C8orf34: variants seen among roughly 807,000 people sequenced by gnomAD.
C8orf34 encodes the protein uncharacterized protein C8orf34.
In C8orf34, 65 loss-of-function variants were observed where a neutral mutation model predicts 68.3. The ratio of observed to expected loss-of-function variants is 0.95; its 90% confidence interval spans 0.78 to 1.17. The LOEUF is 1.17. Among genes scored for constraint, C8orf34 ranks in the 50% most tolerant of loss-of-function variants. The pLI, the probability that C8orf34 is intolerant of heterozygous loss-of-function variation, is 0.00. For missense variants in C8orf34, 664 were observed against 655.4 expected, an observed-to-expected ratio of 1.01 and a Z score of -0.14; for synonymous variants, 244 against 241.2, an observed-to-expected ratio of 1.01 and a Z score of -0.11.
intron 8 of C8orf34, among the ~76,000 whole-genome samples, chr8:68,668,013 A>G (rs1819891725): frequency 6.6e-6 from 1 of 152,194 alleles, no homozygotes; most frequent in African/African-American, 2.4e-5. Flanking sequence ...AAAATCTTGG[A>G]AGACAGATAT....
At position 68,784,004 on chromosome 8, in the gene C8orf34, G is replaced by C. The variant is rs560706556; in HGVS notation, c.1456-3439G>C. 2.0e-5 allele frequency among the ~76,000 whole-genome samples: 3 copies of C among 152,168 alleles called. No homozygotes were observed. In the East Asian group the frequency reaches 5.8e-4, roughly 30 times the overall value. The stretch of plus-strand genomic sequence containing the variant: ...ATTACTGATACTTTATGTTAGTATG[G>C]GGCACTGGTCACAGTTAACAGACCA... On this transcript the variant is annotated intron_variant, in intron 11 of 13. Coordinates refer to ENST00000518698, the MANE Select transcript of C8orf34 (RefSeq NM_052958.4).
At chr8:68,623,850 C>T (rs555644356) in intron 7 of C8orf34, among the ~76,000 whole-genome samples, 15 of 152,080 alleles carry the variant, frequency 9.9e-5, no homozygotes, top group African/African-American at 1.4e-4. Context: ...CCTCCTAATA[C>T]CTTCACATCA....
At position 68,353,463 on chromosome 8, in the gene C8orf34, C is replaced by T. The variant is rs1434404780; in HGVS notation, c.327+22124C>T. ...TTATTATTTATATATTTTTATGTCT[C>T]AAATATAATAAAAAGTTATGGATGT... is the stretch of plus-strand genomic sequence containing the variant. On this transcript the variant is annotated intron_variant, in intron 1 of 13. Coordinates refer to ENST00000518698, the MANE Select transcript of C8orf34 (RefSeq NM_052958.4). 2.7e-5 allele frequency among the ~76,000 whole-genome samples: 4 copies of T among 150,758 alleles called. No individual in the cohort carries two copies. The Admixed American group carries it at 2.7e-4, about 10-fold the overall frequency.
intron 5 of C8orf34, among the ~76,000 whole-genome samples, chr8:68,496,945 C>T (rs567546864): frequency 5.2e-4 from 79 of 152,102 alleles, no homozygotes; most frequent in African/African-American, 1.8e-3. Flanking sequence ...CTATGTTGGT[C>T]GTATGTTTGA....
intron 8 of C8orf34, among the ~76,000 whole-genome samples, chr8:68,668,085 A>G (rs1325836318): frequency 6.6e-6 from 1 of 152,168 alleles, no homozygotes; most frequent in African/African-American, 2.4e-5. Flanking sequence ...ATATTAAATA[A>G]TCAAGAAAAA....
chr8:68,713,714 T>C (rs1821390254), intron 9 of C8orf34, among the ~76,000 whole-genome samples: 1 of 152,158 alleles, frequency 6.6e-6, no homozygotes, highest in Non-Finnish European at 1.5e-5. Context: ...CACAGCTGAA[T>C]TCTATCAGAC....
chr8:68,646,119 G>A (rs1246391460), intron 8 of C8orf34, among the ~76,000 whole-genome samples: 1 of 151,966 alleles, frequency 6.6e-6, no homozygotes, highest in Non-Finnish European at 1.5e-5. Context: ...TTGTTACCTT[G>A]TCTTTTGTTA....
chr8:68,696,049 C>T (rs1159941312), intron 8 of C8orf34, among the ~76,000 whole-genome samples: 1 of 151,730 alleles, frequency 6.6e-6, no homozygotes, highest in African/African-American at 2.4e-5. Context: ...CGCCTGTATT[C>T]CCAGCTACCA....
At chr8:68,653,980 T>C (rs1819439233) in intron 8 of C8orf34, among the ~76,000 whole-genome samples, 1 of 152,184 alleles carries the variant, frequency 6.6e-6, no homozygotes, top group South Asian at 2.1e-4. Flanking sequence ...ACCACAATGT[T>C]TTAATACATA....
At chr8:68,598,756 G>A (rs945107630) in intron 7 of C8orf34, among the ~76,000 whole-genome samples, 7 of 151,940 alleles carry the variant, frequency 4.6e-5, no homozygotes, top group African/African-American at 9.7e-5. Context: ...TCTCTTTCAG[G>A]AAAAAATATC....
chr8:68,467,594 G>T (rs188510412), intron 3 of C8orf34, among the ~76,000 whole-genome samples: 1 of 151,816 alleles, frequency 6.6e-6, no homozygotes, highest in Admixed American at 6.6e-5. Context: ...TTTCCATATT[G>T]GGAGAATGGG....
chr8:68,645,472 T>G (rs1027009486), intron 8 of C8orf34, among the ~76,000 whole-genome samples: 2 of 152,170 alleles, frequency 1.3e-5, no homozygotes, highest in African/African-American at 4.8e-5. Flanking sequence ...GCCTAAGACT[T>G]CTGCCTGGCT....
intron 11 of C8orf34, among the ~76,000 whole-genome samples, chr8:68,780,425 G>C (rs1255934735): frequency 1.1e-4 from 17 of 152,132 alleles, no homozygotes; most frequent in Admixed American, 1.1e-3. Context: ...GTATAGTGTA[G>C]GATGGCAAAA....
intron 10 of C8orf34, among the ~76,000 whole-genome samples, chr8:68,748,325 G>T (rs1160416137): frequency 1.4e-5 from 2 of 147,066 alleles, no homozygotes; most frequent in East Asian, 2.0e-4. Flanking sequence ...CATAGGCACG[G>T]GCAAGGACTT....
intron 5 of C8orf34, among the ~76,000 whole-genome samples, chr8:68,495,648 C>G (rs1450839796): frequency 6.6e-6 from 1 of 152,212 alleles, no homozygotes; most frequent in African/African-American, 2.4e-5. Context: ...TGCTATTATT[C>G]ACCAGTTTAA....
intron 1 of C8orf34, among the ~76,000 whole-genome samples, chr8:68,355,795 T>C (rs555630524): frequency 6.6e-6 from 1 of 152,262 alleles, no homozygotes; most frequent in South Asian, 2.1e-4. Flanking sequence ...GACAATATGC[T>C]TTGGCAAACT....
intron 10 of C8orf34, among the ~76,000 whole-genome samples, chr8:68,737,331 T>C (rs912164985): frequency 6.6e-6 from 1 of 152,134 alleles, no homozygotes; most frequent in Non-Finnish European, 1.5e-5. Context: ...TATGCAAATA[T>C]TCATTACTTT....
chr8:68,810,782 A>G lies in C8orf34; in HGVS notation c.1550-5104A>G, dbSNP rs117075230. On this transcript the variant is annotated intron_variant, in intron 12 of 13. Coordinates refer to ENST00000518698, the MANE Select transcript of C8orf34 (RefSeq NM_052958.4). ...AGCTCTCGCCTGAGAGGAGACCCAC[A>G]GTGGGTAGCTCCTCTCCACAGACAG... 3.3e-3 allele frequency among the ~76,000 whole-genome samples: 507 copies of G among 152,256 alleles called. 18 individuals are homozygous for G. In the East Asian group the frequency reaches 0.061, roughly 18 times the overall value.
intron 5 of C8orf34, 24 bp downstream of exon 5, chr8:68,488,075 G>A (rs1440968561): frequency 5.2e-6 from 8 of 1,532,446 alleles, no homozygotes; most frequent in Non-Finnish European, 7.1e-6. Flanking sequence ...TACATCTGGT[G>A]AAAAGAAAAT....
Sources: allele counts gnomAD v4.1 joint callset (sites outside exome capture counted in the v4.1 genomes callset), GRCh38; gene constraint gnomAD v4.1.1; transcripts MANE v1.5; gene names NCBI Gene and HGNC (gene_info 2026-07-23, HGNC 2026-07-21).